Variants in SORBS2 observed in about 807,000 individuals in gnomAD.
The protein encoded by SORBS2 is sorbin and SH3 domain containing 2.
Under a neutral mutation model 97.7 loss-of-function variants are expected in SORBS2, and 46 were observed. That is an observed-to-expected ratio of 0.47 (90% CI 0.37 to 0.60). The LOEUF (loss-of-function observed/expected upper bound fraction) is 0.60. SORBS2 is among the 20% of genes least tolerant of loss of function. SORBS2 has a pLI of 0.00. For missense variants in SORBS2, 1,316 were observed against 1,282.3 expected (o/e 1.03, Z -0.40); for synonymous variants, 476 against 473.4 (o/e 1.01, Z -0.07).
At chr4:185,751,190 A>AAAAAAAAAAAAAAAAAGAG in intron 2 of SORBS2, among the ~76,000 whole-genome samples, 67 of 86,430 alleles carry the variant, frequency 7.8e-4, no homozygotes, top group African/African-American at 1.1e-3. Flanking sequence ...AAAAAAAAAA[A>AAAAAAAAAAAAAAAAAGAG]AGAGAAAGAG....
At chr4:185,882,505 A>T (rs56218413) in intron 1 of SORBS2, among the ~76,000 whole-genome samples, 41,503 of 152,072 alleles carry the variant, frequency 0.27, 5,931 homozygotes, top group East Asian at 0.54. Context: ...TAAGATGCCA[A>T]TTCTTCCTAA....
chr4:185,669,772 C>T (rs1024927099), intron 4 of SORBS2, among the ~76,000 whole-genome samples: 1 of 152,132 alleles, frequency 6.6e-6, no homozygotes, highest in Non-Finnish European at 1.5e-5. Context: ...GAGTCTGGGT[C>T]TGGCGTTTTT....
chr4:185,894,918 G>T (rs2099244274), intron 1 of SORBS2, among the ~76,000 whole-genome samples: 1 of 152,174 alleles, frequency 6.6e-6, no homozygotes, highest in Admixed American at 6.5e-5. Flanking sequence ...GATCACACGG[G>T]GAGCCAGTGA....
intron 4 of SORBS2, 164 bp downstream of exon 13, chr4:185,646,503 CT>C: frequency 1.8e-6 from 1 of 567,586 alleles, no homozygotes; most frequent in Non-Finnish European, 3.2e-6. Context: ...GAACATGTAT[CT>C]TTCAATTCTG....
chr4:185,921,243 G>A (rs758405687), intron 1 of SORBS2, among the ~76,000 whole-genome samples: 2 of 152,170 alleles, frequency 1.3e-5, no homozygotes, highest in African/African-American at 4.8e-5. Flanking sequence ...TCTCCACTCA[G>A]CCATTTCTAA....
At chr4:185,948,510 A>ATTTTTTTTTTTTTTTTTTTTTTTTT (rs34637572) in intron 1 of SORBS2, among the ~76,000 whole-genome samples, 1 of 87,736 alleles carries the variant, frequency 1.1e-5, no homozygotes, top group African/African-American at 4.6e-5. Flanking sequence ...ATGAATTTCA[A>ATTTTTTTTTTTTTTTTTTTTTTTTT]TTTTTTTTTT....
intron 2 of SORBS2, among the ~76,000 whole-genome samples, chr4:185,721,078 C>T (rs1016984392): frequency 1.6e-4 from 18 of 109,226 alleles, no homozygotes; most frequent in Non-Finnish European, 3.8e-5. Flanking sequence ...TGCTTTCCCA[C>T]CTATTCTTTT....
At chr4:185,834,421 G>T (rs2099206839) in intron 1 of SORBS2, among the ~76,000 whole-genome samples, 1 of 152,090 alleles carries the variant, frequency 6.6e-6, no homozygotes, top group Non-Finnish European at 1.5e-5. Flanking sequence ...TGTATTGTTA[G>T]CATGTACACG....
At chr4:185,667,556 A>G (rs2097633350) in intron 4 of SORBS2, among the ~76,000 whole-genome samples, 1 of 151,994 alleles carries the variant, frequency 6.6e-6, no homozygotes, top group South Asian at 2.1e-4. Flanking sequence ...AGGGGGACAG[A>G]GACACTCTAA....
At chr4:185,775,898 C>G (rs1437746850) in intron 1 of SORBS2, 1 of 152,182 alleles carries the variant, frequency 6.6e-6, no homozygotes, top group Non-Finnish European at 1.5e-5. Flanking sequence ...ATCAACTATG[C>G]TATTTTTGAA....
intron 1 of SORBS2, among the ~76,000 whole-genome samples, chr4:185,821,801 T>C (rs2099196969): frequency 1.3e-5 from 2 of 152,216 alleles, no homozygotes; most frequent in African/African-American, 2.4e-5. Context: ...CCCATTTACC[T>C]GGGAAATACA....
intron 1 of SORBS2, among the ~76,000 whole-genome samples, chr4:185,875,710 T>C (rs1047651520): frequency 3.3e-5 from 5 of 152,254 alleles, no homozygotes; most frequent in African/African-American, 9.6e-5. Flanking sequence ...TGGAAAGTGC[T>C]TTGCATATGT....
At chr4:185,698,429 G>T (rs749591530) in intron 2 of SORBS2, among the ~76,000 whole-genome samples, 7 of 152,112 alleles carry the variant, frequency 4.6e-5, no homozygotes, top group Non-Finnish European at 7.4e-5. Context: ...TGAGTCGAAG[G>T]TTGCAGTGAG....
chr4:185,613,093 C>T (rs1401314895), intron 11 of SORBS2, among the ~76,000 whole-genome samples: 1 of 152,216 alleles, frequency 6.6e-6, no homozygotes, highest in Non-Finnish European at 1.5e-5. Context: ...TACACGTAGC[C>T]TAGAAGTAGG....
chr4:185,809,455 CAAAAAAAAAAAAAAA>C (rs55713465), intron 1 of SORBS2, among the ~76,000 whole-genome samples: 2 of 47,296 alleles, frequency 4.2e-5, no homozygotes, highest in Non-Finnish European at 7.0e-5. Context: ...ACTGCATTTG[CAAAAAAAAAAAAAAA>C]AAAAAAAAAA....
At chr4:185,933,632 G>A (rs1009744900) in intron 1 of SORBS2, among the ~76,000 whole-genome samples, 17 of 151,916 alleles carry the variant, frequency 1.1e-4, no homozygotes, top group African/African-American at 2.7e-4. Flanking sequence ...CCCCTTGCGC[G>A]TGTGTCCATG....
intron 1 of SORBS2, among the ~76,000 whole-genome samples, chr4:185,869,346 T>C (rs2099229096): frequency 6.6e-6 from 1 of 152,204 alleles, no homozygotes; most frequent in South Asian, 2.1e-4. Flanking sequence ...GTTAAACAAA[T>C]ACAAGGTTTA....
intron 11 of SORBS2, among the ~76,000 whole-genome samples, chr4:185,614,159 GTTTTTTTT>G (rs34929054): frequency 1.1e-4 from 10 of 91,624 alleles, no homozygotes; most frequent in Non-Finnish European, 1.6e-4. Context: ...GTTTTTTTGT[GTTTTTTTT>G]TTTTTTTTTT....
intron 2 of SORBS2, among the ~76,000 whole-genome samples, chr4:185,711,887 C>T (rs964445585): frequency 6.6e-6 from 1 of 152,080 alleles, no homozygotes; most frequent in Non-Finnish European, 1.5e-5. Flanking sequence ...GTGCTCCCCG[C>T]CACCTATCCT....
Sources: allele counts gnomAD v4.1 joint callset (sites outside exome capture counted in the v4.1 genomes callset), GRCh38; gene constraint gnomAD v4.1.1; transcripts MANE v1.5; gene names NCBI Gene and HGNC (gene_info 2026-07-23, HGNC 2026-07-21).